DUSP10: variants seen among roughly 807,000 people sequenced by gnomAD.
DUSP10 encodes the protein dual specificity protein phosphatase 10.
DUSP10 carries 14 observed loss-of-function variants against 30.8 expected under a neutral mutation model. The ratio of observed to expected loss-of-function variants is 0.46; its 90% CI spans 0.30 to 0.71. The LOEUF (loss-of-function observed/expected upper bound fraction) is 0.71. Among genes scored for constraint, DUSP10 ranks in the 30% least tolerant of loss-of-function variants. DUSP10 has a pLI of 0.08. For synonymous variants in DUSP10, 254 were observed against 250.4 expected, an observed-to-expected ratio of 1.01 and a Z score of -0.14; for missense variants, 550 against 619.4, an observed-to-expected ratio of 0.89 and a Z score of 1.19.
intron 3 of DUSP10, among the ~76,000 whole-genome samples, chr1:221,705,049 TA>T (rs201996789): frequency 1.3e-5 from 2 of 149,120 alleles, no homozygotes; most frequent in African/African-American, 4.9e-5. Context: ...TGAAGTTACG[TA>T]AAAAAAAATA....
At chr1:221,726,571 A>G (rs1661431078) in intron 2 of DUSP10, among the ~76,000 whole-genome samples, 1 of 152,218 alleles carries the variant, frequency 6.6e-6, no homozygotes, top group Admixed American at 6.5e-5. Flanking sequence ...GATTAGTAAT[A>G]TTATGTTTTT....
intron 2 of DUSP10, among the ~76,000 whole-genome samples, chr1:221,725,925 ATCAT>A (rs1661411794): frequency 6.6e-6 from 1 of 152,240 alleles, no homozygotes; most frequent in South Asian, 2.1e-4. Context: ...GCCTTGCCAG[ATCAT>A]TCACTTCCAC....
chr1:221,733,203 T>C (rs1661667554), intron 2 of DUSP10, among the ~76,000 whole-genome samples: 1 of 152,218 alleles, frequency 6.6e-6, no homozygotes, highest in Admixed American at 6.5e-5. Flanking sequence ...ACCAGGAGTA[T>C]GTGACGGAAA....
chr1:221,730,431 T>C (rs1661554440), intron 2 of DUSP10, among the ~76,000 whole-genome samples: 1 of 152,318 alleles, frequency 6.6e-6, no homozygotes, highest in South Asian at 2.1e-4. Context: ...TGGTGGTCCA[T>C]TCTGAAGTGG....
chr1:221,740,045 C>G (rs753351139), intron 1 of DUSP10, among the ~76,000 whole-genome samples: 3 of 152,132 alleles, frequency 2.0e-5, no homozygotes, highest in Admixed American at 6.5e-5. Context: ...AACAACCTTT[C>G]CTGGACCTAC....
chr1:221,706,206 G>T lies in DUSP10; in HGVS notation c.1072C>A (p.Leu358Ile). ...IGYVINVTTH[L>I]PLYHYEKGLF... is the part of the protein sequence containing the mutation. The stretch of plus-strand genomic sequence containing the variant: ...CCTTTCTCATAGTGGTAGAGGGGAA[G>T]ATGAGTGGTGACGTTGATGACGTAG... The change falls in exon 3 of 4, where the codon CTT (leucine) becomes ATT (isoleucine). Residue 358 changes from leucine to isoleucine, a missense_variant. By Grantham distance (5) the Leu-to-Ile change is conservative. Transcript: ENST00000366899. This position sits in a 1 kb window ranked among gnomAD's most constrained non-coding sequence, Gnocchi z 4.6. The T allele has an allele frequency of 6.2e-7, 1 of 1,614,168 alleles. No individual in the cohort carries two copies. Among genetic ancestry groups the T allele is most frequent in the South Asian group, 1.1e-5 (1 of 91,086 alleles).
intron 2 of DUSP10, among the ~76,000 whole-genome samples, chr1:221,717,435 AAG>A (rs1397706332): frequency 2.1e-5 from 3 of 146,148 alleles, no homozygotes; most frequent in Non-Finnish European, 4.5e-5. Context: ...TTGAAAAGAA[AAG>A]AGGGGGGAGG....
At chr1:221,740,549 C>T (rs774475818) in intron 1 of DUSP10, among the ~76,000 whole-genome samples, 2 of 152,184 alleles carry the variant, frequency 1.3e-5, no homozygotes, top group Non-Finnish European at 2.9e-5. Context: ...ACCCCAGCCC[C>T]GGCAAATCCC....
At chr1:221,731,748 A>G (rs1014781657) in intron 2 of DUSP10, among the ~76,000 whole-genome samples, 16 of 151,650 alleles carry the variant, frequency 1.1e-4, no homozygotes, top group Non-Finnish European at 2.4e-4. Context: ...AGCTGGGACT[A>G]CAGGTGTGCA....
chr1:221,739,696 G>A lies in DUSP10; in HGVS notation c.49C>T (p.Pro17Ser). The stretch of plus-strand genomic sequence containing the variant: ...AGGTTGAGATCCTGAGGTCGGACGG[G>A]CCTAGATAGTGCCACTACTACCCTG... ...DDRVVVALSR[P>S]VRPQDLNLCL... The change falls in exon 2 of 4, where the codon CCC becomes TCC. Residue 17 changes from proline to serine, a missense_variant. By Grantham distance (74) the Pro-to-Ser change is moderately conservative. Coordinates refer to ENST00000366899, the MANE Select transcript of DUSP10 (RefSeq NM_007207.6). 1 of 1,613,282 alleles carries A rather than the reference G, an allele frequency of 6.2e-7. No individual in the cohort carries two copies. Among genetic ancestry groups the A allele is most frequent in the Non-Finnish European group, 8.5e-7 (1 of 1,179,526 alleles).
chr1:221,740,157 G>A (rs1453448755), intron 1 of DUSP10, among the ~76,000 whole-genome samples: 2 of 152,276 alleles, frequency 1.3e-5, no homozygotes, highest in East Asian at 1.9e-4. Flanking sequence ...CTCAGCTCTC[G>A]GGCAGAAGTA....
intron 1 of DUSP10, among the ~76,000 whole-genome samples, chr1:221,740,128 A>G (rs1661906700): frequency 6.6e-6 from 1 of 152,224 alleles, no homozygotes; most frequent in Non-Finnish European, 1.5e-5. Context: ...GAGGCTCTTA[A>G]GAGGCATCTA....
intron 3 of DUSP10, among the ~76,000 whole-genome samples, chr1:221,705,734 A>G (rs928103612): frequency 2.0e-5 from 3 of 152,212 alleles, no homozygotes; most frequent in African/African-American, 7.2e-5. Context: ...TAGATCAAGT[A>G]GCAGTAGCAC....
intron 2 of DUSP10, among the ~76,000 whole-genome samples, chr1:221,727,926 A>C (rs541578718): frequency 6.6e-6 from 1 of 152,228 alleles, no homozygotes; most frequent in South Asian, 2.1e-4. Context: ...TTGGAAACTT[A>C]ATTGTCACTG....
At chr1:221,738,833 C>T in intron 2 of DUSP10, 101 bp downstream of exon 2, 1 of 1,453,790 alleles carries the variant, frequency 6.9e-7, no homozygotes. Flanking sequence ...CTATTTTGGT[C>T]TTTGGTAGCC....
intron 2 of DUSP10, among the ~76,000 whole-genome samples, chr1:221,707,674 T>C (rs1346516561): frequency 6.6e-6 from 1 of 152,208 alleles, no homozygotes; most frequent in Admixed American, 6.5e-5. Context: ...TTTATATATA[T>C]TTTAAAAAGG....
At chr1:221,715,083 CTT>C (rs1418292826) in intron 2 of DUSP10, among the ~76,000 whole-genome samples, 3 of 152,120 alleles carry the variant, frequency 2.0e-5, no homozygotes, top group South Asian at 2.1e-4. Context: ...GGAGGGGTCT[CTT>C]GTCATTTTTC....
intron 2 of DUSP10, among the ~76,000 whole-genome samples, chr1:221,716,275 C>A (rs1449964198): frequency 2.6e-5 from 4 of 152,188 alleles, no homozygotes; most frequent in Non-Finnish European, 5.9e-5. Flanking sequence ...CAGTAAGGCT[C>A]TGCTAGTGCA....
chr1:221,729,890 G>T (rs1025520126), intron 2 of DUSP10, among the ~76,000 whole-genome samples: 9 of 152,128 alleles, frequency 5.9e-5, no homozygotes, highest in African/African-American at 1.4e-4. Flanking sequence ...TTCAGGGAAG[G>T]CCCTCTTAGA....
Sources: allele counts gnomAD v4.1 joint callset (sites outside exome capture counted in the v4.1 genomes callset), GRCh38; gene constraint gnomAD v4.1.1; non-coding constraint Gnocchi (gnomAD v3.1); transcripts MANE v1.5; gene names NCBI Gene and HGNC (gene_info 2026-07-23, HGNC 2026-07-21).